The following INPP5A variants were observed in gnomAD, a reference collection of about 807,000 sequenced individuals.
The protein encoded by INPP5A is 43 kDa inositol polyphosphate 5-phophatase.
In INPP5A, 14 loss-of-function variants were observed where a neutral mutation model predicts 65.2. The ratio of observed to expected loss-of-function variants is 0.21; its 90% CI spans 0.14 to 0.34. The LOEUF (loss-of-function observed/expected upper bound fraction) is 0.34, where lower values mean the gene tolerates loss of function less well. Ranked by LOEUF, INPP5A falls within the 10% of genes least tolerant of loss-of-function variation. The pLI is 1.00. For missense variants in INPP5A, 431 were observed against 545.6 expected (o/e 0.79, Z 2.09); for synonymous variants, 207 against 208.3 (o/e 0.99, Z 0.05).
intron 9 of INPP5A, among the ~76,000 whole-genome samples, chr10:132,728,099 C>A (rs181583204): frequency 1.3e-5 from 2 of 152,176 alleles, no homozygotes; most frequent in Non-Finnish European, 2.9e-5. Flanking sequence ...GTCACAAGGC[C>A]CCACCGCATG....
rs1379083228 is a variant in INPP5A at position 132,659,923 on chromosome 10, A to T, written c.306+9418A>T. Among the ~76,000 whole-genome samples the T allele has an allele frequency of 6.6e-6, 1 of 152,230 alleles. No homozygotes were observed. Among genetic ancestry groups the T allele is most frequent in the Non-Finnish European group, 1.5e-5 (1 of 68,052 alleles). On this transcript the variant is annotated intron_variant, in intron 4 of 15. Coordinates refer to ENST00000368594, the MANE Select transcript of INPP5A (RefSeq NM_005539.5). The surrounding 1 kb of genome is among the most constrained non-coding windows in gnomAD (Gnocchi z 5.5). The stretch of plus-strand genomic sequence containing the variant: ...TGCAGCCTGCAGCTCCTGACACATG[A>T]CATGTGACATACAACACATGACACG...
In INPP5A at chr10:132,616,496, A is replaced by ATGTGTGTGGTG. The variant is rs2072035609; in HGVS notation, c.117+8544_117+8545insTGTGGTGTGTG. On this transcript the variant is annotated intron_variant, in intron 2 of 15. Coordinates refer to ENST00000368594, the MANE Select transcript of INPP5A (RefSeq NM_005539.5). The surrounding 1 kb of genome is among the most constrained non-coding windows in gnomAD (Gnocchi z 4.9). ...GTGGTGTAGAATGTGGTGCTGATGG[A>ATGTGTGTGGTG]TGTGGTGTGTGTGGGATGCTGTGGT... 6.6e-6 allele frequency among the ~76,000 whole-genome samples: 1 copy of ATGTGTGTGGTG among 151,600 alleles called. No individual in the cohort carries two copies.
chr10:132,718,851 C>G (rs1347149591), intron 8 of INPP5A, among the ~76,000 whole-genome samples: 1 of 148,204 alleles, frequency 6.7e-6, no homozygotes, highest in African/African-American at 2.5e-5. Context: ...TGTCTGGGCA[C>G]CTTAGACGGC....
At chr10:132,716,172 C>T (rs747793352) in intron 8 of INPP5A, among the ~76,000 whole-genome samples, 10 of 152,242 alleles carry the variant, frequency 6.6e-5, no homozygotes, top group East Asian at 1.9e-4. Flanking sequence ...GCACGTTCTC[C>T]GCATGTTTCC....
chr10:132,776,185 C>G (rs1345117537), intron 12 of INPP5A, among the ~76,000 whole-genome samples: 1 of 152,218 alleles, frequency 6.6e-6, no homozygotes, highest in Non-Finnish European at 1.5e-5. Context: ...TGCAGCTGTT[C>G]TCTGCTCTGT....
chr10:132,734,982 A>C (rs1846151052), intron 9 of INPP5A, among the ~76,000 whole-genome samples: 1 of 152,176 alleles, frequency 6.6e-6, no homozygotes, highest in Non-Finnish European at 1.5e-5. Flanking sequence ...AAGGCCACAC[A>C]GAGGCGGGCA....
intron 2 of INPP5A, among the ~76,000 whole-genome samples, chr10:132,633,708 A>G (rs1216177299): frequency 2.0e-5 from 3 of 152,204 alleles, no homozygotes; most frequent in Non-Finnish European, 2.9e-5. Flanking sequence ...CACTCACTCG[A>G]AGGCCCTGGG....
At chr10:132,670,931 G>A (rs762676822) in intron 4 of INPP5A, among the ~76,000 whole-genome samples, 38 of 151,560 alleles carry the variant, frequency 2.5e-4, no homozygotes, top group African/African-American at 8.0e-4. Context: ...TGCAAACGGC[G>A]GTGACGGCTT....
intron 12 of INPP5A, among the ~76,000 whole-genome samples, chr10:132,774,101 C>T (rs556575093): frequency 6.6e-5 from 10 of 152,354 alleles, no homozygotes; most frequent in South Asian, 4.1e-4. Flanking sequence ...TTCCTTCTCC[C>T]GCTCGGTAGC....
chr10:132,692,850 A>G (rs1455803793), intron 5 of INPP5A, among the ~76,000 whole-genome samples: 1 of 152,238 alleles, frequency 6.6e-6, no homozygotes, highest in Non-Finnish European at 1.5e-5. Flanking sequence ...GGTTTACCTA[A>G]AGAAAGAAAA....
rs1845616353 is a variant in INPP5A, at chr10:132,710,521, G to A, written c.647+65G>A. On this transcript the variant is annotated intron_variant, in intron 8 of 15. Transcript: ENST00000368594. Reference sequence around the variant, plus strand: ...AGGTGTGCTGGGCAGGCAGGTGTGAGTGGAGAGGTAGGTGTGGGCGGACAA... The same window carrying A: ...AGGTGTGCTGGGCAGGCAGGTGTGAATGGAGAGGTAGGTGTGGGCGGACAA... The A allele has an allele frequency of 3.2e-6, 5 of 1,576,940 alleles. No individual in the cohort carries two copies. In the African/African-American group the frequency reaches 4.1e-5, roughly 13 times the overall value.
chr10:132,543,279 C>T (rs1027277064), intron 1 of INPP5A, among the ~76,000 whole-genome samples: 2 of 152,166 alleles, frequency 1.3e-5, no homozygotes, highest in Non-Finnish European at 2.9e-5. Context: ...GTTTTCCTCT[C>T]TGTGGATTTG....
At chr10:132,756,788 A>C (rs964686063) in intron 11 of INPP5A, among the ~76,000 whole-genome samples, 2 of 152,242 alleles carry the variant, frequency 1.3e-5, no homozygotes, top group Admixed American at 6.5e-5. Context: ...ACGGAGAAGA[A>C]GGCGCCGTTA....
intron 1 of INPP5A, among the ~76,000 whole-genome samples, chr10:132,544,555 AG>A (rs2070945848): frequency 6.6e-6 from 1 of 151,744 alleles, no homozygotes; most frequent in South Asian, 2.1e-4. Context: ...CCGGGCAGGG[AG>A]GGTTAAATAT....
At chr10:132,768,666 A>G (rs1308586034) in intron 12 of INPP5A, among the ~76,000 whole-genome samples, 1 of 152,140 alleles carries the variant, frequency 6.6e-6, no homozygotes, top group Non-Finnish European at 1.5e-5. Context: ...CGTCCTTGCC[A>G]CGGCCTGGCC....
rs1480497138 is a variant in INPP5A, at chr10:132,645,861, C to T, written c.118-7C>T. On this transcript the variant is annotated splice_region_variant and splice_polypyrimidine_tract_variant and intron_variant, in intron 2 of 15. Transcript: ENST00000368594. ...ACGACCCTGACAGTGTGCTTCTCTCCCTCCAGGTCGTGCACACACACAAGC... is the reference window on the plus strand; with the variant it reads ...ACGACCCTGACAGTGTGCTTCTCTCTCTCCAGGTCGTGCACACACACAAGC... 6.2e-6 allele frequency: 10 copies of T among 1,609,614 alleles called. No homozygotes were observed. Among genetic ancestry groups the T allele is most frequent in the Non-Finnish European group, 8.5e-6 (10 of 1,176,854 alleles).
At chr10:132,662,652 G>T (rs1420490678) in intron 4 of INPP5A, among the ~76,000 whole-genome samples, 1 of 152,198 alleles carries the variant, frequency 6.6e-6, no homozygotes, top group East Asian at 1.9e-4. Flanking sequence ...TCAAGCCCAG[G>T]AGGGGAGCAC....
rs2072466181 is a variant in INPP5A at position 132,644,401 on chromosome 10, G to A, written c.118-1467G>A. 6.6e-6 allele frequency among the ~76,000 whole-genome samples: 1 copy of A among 152,264 alleles called. No homozygotes were observed. Among genetic ancestry groups the A allele is most frequent in the Admixed American group, 6.5e-5 (1 of 15,290 alleles). On this transcript the variant is annotated intron_variant, in intron 2 of 15. Transcript: ENST00000368594. The surrounding 1 kb of genome is among the most constrained non-coding windows in gnomAD (Gnocchi z 6.5). ...AGCCTGAGCCCCGTCTTCACCTGCA[G>A]CACAGACAGGGCCTGTCCGCCGGGC...
intron 8 of INPP5A, among the ~76,000 whole-genome samples, chr10:132,721,992 T>TG (rs368439641): frequency 6.6e-6 from 1 of 152,186 alleles, no homozygotes; most frequent in African/African-American, 2.4e-5. Flanking sequence ...ATGTTTATTT[T>TG]GGGGGGATGA....
Sources: gnomAD v4.1 joint callset for allele counts (sites outside exome capture counted in the v4.1 genomes callset) on GRCh38, gnomAD v4.1.1 for gene constraint, Gnocchi (gnomAD v3.1) non-coding constraint, MANE v1.5 for transcripts, NCBI Gene and HGNC (gene_info 2026-07-23, HGNC 2026-07-21) for gene names.